CIBAR1: variants seen among roughly 807,000 people sequenced by gnomAD.
CIBAR1 encodes the protein CBY1 interacting BAR domain containing 1, also known as CBY1-interacting BAR domain-containing protein 1.
Under a neutral mutation model 44.0 loss-of-function variants are expected in CIBAR1, and 25 were observed. That is an observed-to-expected ratio of 0.57 (90% confidence interval 0.41 to 0.79). CIBAR1 has a LOEUF of 0.79. Among genes scored for constraint, CIBAR1 ranks in the 30% least tolerant of loss-of-function variants. The pLI is 0.00. For missense variants in CIBAR1, 278 were observed against 344.8 expected (o/e 0.81, Z 1.53); for synonymous variants, 115 against 119.0 (o/e 0.97, Z 0.22).
chr8:93,701,328 T>C lies in CIBAR1; in HGVS notation c.131T>C (p.Leu44Pro), dbSNP rs752310257. Residue 44 changes from leucine to proline, a missense_variant, in exon 2 of 9, where the codon CTG (leucine) becomes CCG (proline). Around this residue, in one of 3 missense-constraint regions of CIBAR1, gnomAD observed 183 missense variants for 218.6 expected, o/e 0.84. Transcript: ENST00000518322. ...GCCTATGTGCGGAAAACTGCCAGGC[T>C]GAGAGACAAAGCAGACCTCCTGGTG... is the stretch of plus-strand genomic sequence containing the variant. ...FAAYVRKTAR[L>P]RDKADLLVNE... 2.5e-6 allele frequency: 4 copies of C among 1,613,842 alleles called. No homozygotes were observed. Among genetic ancestry groups the C allele is most frequent in the Non-Finnish European group, 3.4e-6 (4 of 1,179,852 alleles).
chr8:93,725,235 G>A (rs1041598601), intron 7 of CIBAR1, among the ~76,000 whole-genome samples: 1 of 152,098 alleles, frequency 6.6e-6, no homozygotes, highest in African/African-American at 2.4e-5. Flanking sequence ...CTCCTGCCTT[G>A]GCCTCCCAAA....
intron 7 of CIBAR1, 81 bp downstream of exon 7, chr8:93,718,869 CTTT>C: frequency 3.0e-5 from 21 of 691,726 alleles, no homozygotes; most frequent in Middle Eastern, 3.2e-4. Context: ...TGATTAATAT[CTTT>C]TTTTTTTTTG....
At chr8:93,703,979 G>A (rs183044719) in intron 3 of CIBAR1, among the ~76,000 whole-genome samples, 106 of 151,824 alleles carry the variant, frequency 7.0e-4, no homozygotes, top group African/African-American at 2.4e-3. Context: ...CAAGAAAATC[G>A]CTTGAACCCA....
intron 7 of CIBAR1, among the ~76,000 whole-genome samples, chr8:93,723,061 A>G (rs1443329485): frequency 2.6e-5 from 4 of 152,056 alleles, no homozygotes; most frequent in Admixed American, 6.6e-5. Context: ...CAGTGGCGCT[A>G]TCTCCACTCA....
In CIBAR1 at chr8:93,700,594, T is replaced by G. The variant is rs542257786; in HGVS notation, c.-54T>G. 7.5e-6 allele frequency: 11 copies of G among 1,458,318 alleles called. No individual in the cohort carries two copies. The highest frequency in any genetic ancestry group is 3.0e-5 in the African/African-American group (2 of 67,626). 90.3% of individuals were successfully genotyped at this position (1,458,318 alleles called of 1,614,324 possible). ...GCGCCCCAGCGCGCGCCCAGGCGCC[T>G]TGGAATCCCCGTCCTTGGGCCCCCG... On this transcript the variant is annotated 5_prime_UTR_variant, in exon 1 of 9. Transcript: ENST00000518322.
intron 8 of CIBAR1, 71 bp downstream of exon 8, chr8:93,726,584 T>TCCC: frequency 6.4e-7 from 1 of 1,562,398 alleles, no homozygotes; most frequent in African/African-American, 1.4e-5. Flanking sequence ...TAAAAATGTT[T>TCCC]CCCCTCAGTC....
intron 2 of CIBAR1, 24 bp downstream of exon 2, chr8:93,701,482 A>G (rs749356211): frequency 3.2e-5 from 51 of 1,588,076 alleles, no homozygotes; most frequent in Non-Finnish European, 4.3e-5. Context: ...TCACAGTGTC[A>G]TTGTTATGAA....
At position 93,700,588 on chromosome 8, in the gene CIBAR1, G is replaced by T. The variant is rs1258427294; in HGVS notation, c.-60G>T. On this transcript the variant is annotated 5_prime_UTR_variant, in exon 1 of 9. In the 5' UTR this introduces an upstream ATG that the reference lacks. Transcript: ENST00000518322. ...CTGCTTGCGCCCCAGCGCGCGCCCA[G>T]GCGCCTTGGAATCCCCGTCCTTGGG... 2.1e-6 allele frequency: 3 copies of T among 1,451,808 alleles called. No individual in the cohort carries two copies. The highest frequency in any genetic ancestry group is 5.4e-5 in the Admixed American group (2 of 37,232). 89.9% of individuals were successfully genotyped at this position (1,451,808 alleles called of 1,614,324 possible). A position where few individuals can be genotyped will look rare whatever the true frequency, so the allele number is the denominator to read the frequency against.
At chr8:93,723,286 G>A (rs1049511509) in intron 7 of CIBAR1, among the ~76,000 whole-genome samples, 2 of 152,200 alleles carry the variant, frequency 1.3e-5, no homozygotes, top group Admixed American at 6.5e-5. Flanking sequence ...GTGAGCCACG[G>A]TGCCCGGCCC....
chr8:93,707,778 T>C (rs748372759), intron 4 of CIBAR1, among the ~76,000 whole-genome samples: 5 of 152,184 alleles, frequency 3.3e-5, no homozygotes, highest in Admixed American at 6.5e-5. Flanking sequence ...CCCCATATTG[T>C]AAATGTATAT....
At chr8:93,705,911 C>T (rs1810559963) in intron 4 of CIBAR1, 1 of 151,824 alleles carries the variant, frequency 6.6e-6, no homozygotes, top group Non-Finnish European at 1.5e-5. Context: ...GATCACACCA[C>T]TGCACTCCAG....
intron 7 of CIBAR1, among the ~76,000 whole-genome samples, chr8:93,724,964 T>C (rs1811417541): frequency 6.6e-6 from 1 of 152,140 alleles, no homozygotes; most frequent in African/African-American, 2.4e-5. Flanking sequence ...ATTAACAGTG[T>C]AGATAAGATC....
chr8:93,715,330 G>T (rs1014275790), intron 6 of CIBAR1: 3 of 152,080 alleles, frequency 2.0e-5, no homozygotes, highest in African/African-American at 7.2e-5. Context: ...ATGGGGATGG[G>T]AACTCAGTAT....
At chr8:93,704,807 T>G (rs918478407) in intron 3 of CIBAR1, 102 bp from the exon 4 acceptor site, 1 of 649,054 alleles carries the variant, frequency 1.5e-6, no homozygotes, top group African/African-American at 1.8e-5. Flanking sequence ...ACAAGAAGTA[T>G]TCTTCCATTC....
In CIBAR1 at chr8:93,713,033, C is replaced by CTT. The variant is rs149552672; in HGVS notation, c.543+3173_543+3174dup. 9.2e-3 allele frequency among the ~76,000 whole-genome samples: 1,185 copies of CTT among 128,728 alleles called. 58 individuals carry two copies. Among genetic ancestry groups the CTT allele is most frequent in the African/African-American group, 0.015 (515 of 34,254 alleles). 84.5% of individuals were successfully genotyped at this position (128,728 alleles called of 152,430 possible). ...TTACCCTTTTTTTCTCCTTTTTTTT[C>CTT]TTTTTTTTTTTTTTTTCGAGACAGA... On this transcript the variant is annotated intron_variant, in intron 6 of 8. Coordinates refer to ENST00000518322, the MANE Select transcript of CIBAR1 (RefSeq NM_145269.5).
At position 93,713,033 on chromosome 8, in the gene CIBAR1, C is replaced by CTTTTTTTTTT. The variant is rs149552672; in HGVS notation, c.543+3165_543+3174dup. On this transcript the variant is annotated intron_variant, in intron 6 of 8. Transcript: ENST00000518322. ...TTACCCTTTTTTTCTCCTTTTTTTT[C>CTTTTTTTTTT]TTTTTTTTTTTTTTTTCGAGACAGA... Among the ~76,000 whole-genome samples the CTTTTTTTTTT allele has an allele frequency of 1.2e-4, 16 of 128,800 alleles. 1 individual carries two copies. Among genetic ancestry groups the CTTTTTTTTTT allele is most frequent in the East Asian group, 4.5e-4 (2 of 4,486 alleles). The allele number at this position is 128,800 out of a possible 152,430, so 84.5% of individuals were successfully genotyped here.
chr8:93,707,299 A>G (rs531388030), intron 4 of CIBAR1: 298 of 358,060 alleles, frequency 8.3e-4, no homozygotes, highest in African/African-American at 6.1e-3. Context: ...GCTATGCTCA[A>G]GTAAAGGGAT....
At chr8:93,727,567 G>T (rs1210164374) in intron 8 of CIBAR1, among the ~76,000 whole-genome samples, 1 of 152,144 alleles carries the variant, frequency 6.6e-6, no homozygotes, top group Non-Finnish European at 1.5e-5. Flanking sequence ...CCTGTATATT[G>T]TGACGACATC....
chr8:93,700,602 C>T lies in CIBAR1; in HGVS notation c.-46C>T, dbSNP rs1810295405. 3.4e-6 allele frequency: 5 copies of T among 1,468,304 alleles called. No homozygotes were observed. In the African/African-American group the frequency reaches 5.9e-5, roughly 17 times the overall value. The allele number at this position is 1,468,304 out of a possible 1,614,324, so 91.0% of individuals were successfully genotyped here. On this transcript the variant is annotated 5_prime_UTR_variant, in exon 1 of 9. Transcript: ENST00000518322. Reference sequence around the variant, plus strand: ...GCGCGCGCCCAGGCGCCTTGGAATCCCCGTCCTTGGGCCCCCGCAAGGTCC... The same window carrying T: ...GCGCGCGCCCAGGCGCCTTGGAATCTCCGTCCTTGGGCCCCCGCAAGGTCC...
Sources: gnomAD v4.1 joint callset for allele counts (sites outside exome capture counted in the v4.1 genomes callset) on GRCh38, gnomAD v4.1.1 for gene constraint, gnomAD v4.1.1 regional missense constraint, MANE v1.5 for transcripts, NCBI Gene and HGNC (gene_info 2026-07-23, HGNC 2026-07-21) for gene names.